The following CFAP299 variants were observed in gnomAD, a reference collection of about 807,000 sequenced individuals.
CFAP299 encodes the protein cilia- and flagella-associated protein 299.
Under a neutral mutation model 27.0 loss-of-function variants are expected in CFAP299, and 21 were observed. The observed-to-expected ratio is 0.78, with a 90% CI of 0.55 to 1.12. The LOEUF (loss-of-function observed/expected upper bound fraction) is 1.12, where lower values mean the gene tolerates loss of function less well. Among genes scored for constraint, CFAP299 ranks in the 50% most tolerant of loss-of-function variants. The probability of loss-of-function intolerance (pLI) is 0.00; values close to 1 mark genes in which losing one functional copy is unlikely to be tolerated. For synonymous variants in CFAP299, 104 were observed against 98.1 expected (o/e 1.06, Z -0.36); for missense variants, 310 against 276.6 (o/e 1.12, Z -0.86).
At chr4:80,589,810 G>A (rs760051061) in intron 3 of CFAP299, among the ~76,000 whole-genome samples, 19 of 152,172 alleles carry the variant, frequency 1.2e-4, no homozygotes, top group Non-Finnish European at 2.8e-4. Context: ...ATGCAAGTGA[G>A]ATGTGAAGTA....
At chr4:80,851,436 A>G (rs938947342) in intron 3 of CFAP299, among the ~76,000 whole-genome samples, 2 of 152,174 alleles carry the variant, frequency 1.3e-5, no homozygotes, top group Non-Finnish European at 2.9e-5. Context: ...GAAAGACACT[A>G]TGCATTTCAT....
At chr4:80,400,844 T>C (rs1578403138) in intron 2 of CFAP299, among the ~76,000 whole-genome samples, 1 of 152,234 alleles carries the variant, frequency 6.6e-6, no homozygotes, top group East Asian at 1.9e-4. Flanking sequence ...TGGAACTTCC[T>C]GGACACTTGT....
At chr4:80,528,154 T>C (rs1248045309) in intron 2 of CFAP299, among the ~76,000 whole-genome samples, 7 of 141,968 alleles carry the variant, frequency 4.9e-5, no homozygotes, top group African/African-American at 1.8e-4. Flanking sequence ...AGTTAGATCA[T>C]TTTCATCTAA....
intron 2 of CFAP299, among the ~76,000 whole-genome samples, chr4:80,479,966 G>T (rs1469926257): frequency 2.6e-5 from 4 of 151,940 alleles, no homozygotes; most frequent in Admixed American, 1.3e-4. Flanking sequence ...CACAAGCCAA[G>T]TATCTGCTAA....
intron 3 of CFAP299, among the ~76,000 whole-genome samples, chr4:80,819,420 A>G (rs1021449): frequency 0.013 from 2,050 of 152,254 alleles, 130 homozygotes; most frequent in Admixed American, 0.11. Flanking sequence ...GAAACTGTTG[A>G]GCGAATGGAA....
intron 3 of CFAP299, among the ~76,000 whole-genome samples, chr4:80,612,840 C>A (rs1476990859): frequency 1.3e-5 from 2 of 152,076 alleles, no homozygotes; most frequent in Non-Finnish European, 2.9e-5. Context: ...TGGCCTTGGG[C>A]ACTCACTTTC....
chr4:80,442,177 A>G (rs1292549611), intron 2 of CFAP299, among the ~76,000 whole-genome samples: 2 of 152,214 alleles, frequency 1.3e-5, no homozygotes, highest in Non-Finnish European at 2.9e-5. Flanking sequence ...AAGGATATTC[A>G]GGACTTGAAC....
chr4:80,507,166 T>A (rs1019129757), intron 2 of CFAP299, among the ~76,000 whole-genome samples: 3 of 152,116 alleles, frequency 2.0e-5, no homozygotes, highest in Admixed American at 1.3e-4. Flanking sequence ...TTTCTTATAG[T>A]AAGCATGTAA....
chr4:80,519,395 C>T (rs1248130812), intron 2 of CFAP299, among the ~76,000 whole-genome samples: 5 of 151,998 alleles, frequency 3.3e-5, no homozygotes, highest in Non-Finnish European at 1.5e-5. Flanking sequence ...TTAGTATAGA[C>T]GGAGTTTCAC....
At chr4:80,641,558 A>C (rs1739729017) in intron 3 of CFAP299, among the ~76,000 whole-genome samples, 1 of 152,138 alleles carries the variant, frequency 6.6e-6, no homozygotes, top group Non-Finnish European at 1.5e-5. Context: ...ATTGCCCTAC[A>C]TTTTGCCCTA....
At chr4:80,821,519 G>A (rs928224691) in intron 3 of CFAP299, among the ~76,000 whole-genome samples, 6 of 152,032 alleles carry the variant, frequency 3.9e-5, no homozygotes, top group African/African-American at 7.2e-5. Context: ...AATGAAAAGC[G>A]GCACACCTGC....
intron 1 of CFAP299, among the ~76,000 whole-genome samples, chr4:80,340,304 C>G (rs1722380462): frequency 6.6e-6 from 1 of 152,180 alleles, no homozygotes; most frequent in Admixed American, 6.5e-5. Flanking sequence ...ACCCACAGAT[C>G]AGGAGATCCC....
In CFAP299 at chr4:80,511,116, T is replaced by C. The variant is rs1397679394; in HGVS notation, c.243-71977T>C. ...GTGATTAGGAGCATGAATGCTGAAG[T>C]TGTACTATCTGGGTTCAAGTCCTGC... On this transcript the variant is annotated intron_variant, in intron 2 of 5. Transcript: ENST00000358105. Among the ~76,000 whole-genome samples, 3 of 152,208 alleles carry C rather than the reference T, an allele frequency of 2.0e-5. No individual in the cohort carries two copies. In the East Asian group the frequency reaches 5.8e-4, roughly 29 times the overall value.
At chr4:80,361,135 T>C (rs900715166) in intron 1 of CFAP299, among the ~76,000 whole-genome samples, 1 of 152,174 alleles carries the variant, frequency 6.6e-6, no homozygotes, top group Admixed American at 6.5e-5. Context: ...AGTGAGGCAA[T>C]CAATATCGAC....
intron 3 of CFAP299, among the ~76,000 whole-genome samples, chr4:80,858,556 A>G (rs1732087390): frequency 6.6e-6 from 1 of 151,416 alleles, no homozygotes; most frequent in Non-Finnish European, 1.5e-5. Context: ...AGTGCTATAA[A>G]TTTCCCTCTA....
At chr4:80,717,378 G>T (rs940320087) in intron 3 of CFAP299, among the ~76,000 whole-genome samples, 1 of 152,076 alleles carries the variant, frequency 6.6e-6, no homozygotes, top group Non-Finnish European at 1.5e-5. Flanking sequence ...ATTTTCTCTT[G>T]TACAGTTCCA....
At chr4:80,944,100 A>C (rs1195800080) in intron 4 of CFAP299, among the ~76,000 whole-genome samples, 1 of 151,292 alleles carries the variant, frequency 6.6e-6, no homozygotes, top group African/African-American at 2.4e-5. Flanking sequence ...ATAAATAAAT[A>C]AATAAATAAT....
intron 2 of CFAP299, among the ~76,000 whole-genome samples, chr4:80,385,263 C>G (rs1196324286): frequency 6.6e-6 from 1 of 152,132 alleles, no homozygotes; most frequent in African/African-American, 2.4e-5. Context: ...CAGTCTCTGG[C>G]AACCATTTTC....
At chr4:80,392,821 T>C (rs761576494) in intron 2 of CFAP299, among the ~76,000 whole-genome samples, 2 of 152,204 alleles carry the variant, frequency 1.3e-5, no homozygotes, top group Non-Finnish European at 2.9e-5. Flanking sequence ...TACTTGATAA[T>C]ATTAACAAAT....
Sources: gnomAD v4.1 joint callset for allele counts (sites outside exome capture counted in the v4.1 genomes callset) on GRCh38, gnomAD v4.1.1 for gene constraint, MANE v1.5 for transcripts, NCBI Gene and HGNC (gene_info 2026-07-23, HGNC 2026-07-21) for gene names.